PSD3: variants seen among roughly 807,000 people sequenced by gnomAD.
PSD3 encodes the protein PH and SEC7 domain-containing protein 3.
A neutral mutation model predicts 105.5 loss-of-function variants in PSD3; 49 were observed. The ratio of observed to expected loss-of-function variants is 0.46; its 90% CI spans 0.37 to 0.59. The LOEUF is 0.59. Ranked by LOEUF, PSD3 falls within the 20% of genes least tolerant of loss-of-function variation. The pLI is 0.00. For synonymous variants in PSD3, 557 were observed against 457.8 expected (o/e 1.22, Z -2.77); for missense variants, 1,561 against 1,263.8 (o/e 1.24, Z -3.57).
chr8:18,687,103 A>G (rs1377985300), intron 9 of PSD3, among the ~76,000 whole-genome samples: 1 of 152,170 alleles, frequency 6.6e-6, no homozygotes, highest in Admixed American at 6.5e-5. Context: ...GCTGTCAAAT[A>G]AAGGAACTAC....
At chr8:18,592,737 A>G (rs1235723663) in intron 12 of PSD3, among the ~76,000 whole-genome samples, 1 of 152,152 alleles carries the variant, frequency 6.6e-6, no homozygotes. Flanking sequence ...ACACAAGCAT[A>G]TTACATCCAG....
intron 1 of PSD3, among the ~76,000 whole-genome samples, chr8:19,074,611 ATTTT>A (rs1206111403): frequency 8.3e-5 from 2 of 24,216 alleles, no homozygotes; most frequent in African/African-American, 1.6e-4. Context: ...ATATATATAT[ATTTT>A]TTTTTTTTTT....
chr8:18,655,555 C>T, intron 10 of PSD3, 87 bp downstream of exon 10: 2 of 1,270,244 alleles, frequency 1.6e-6, no homozygotes, highest in Non-Finnish European at 2.3e-6. Context: ...ATATTTAATC[C>T]TTCTCTAAGA....
rs536130386 is a variant in PSD3 at position 18,895,614 on chromosome 8, AATT to A, written c.131-22884_131-22882del. Among the ~76,000 whole-genome samples, 47 of 152,264 alleles carry A rather than the reference AATT, an allele frequency of 3.1e-4. No homozygotes were observed. The East Asian group carries it at 8.5e-3, about 27-fold the overall frequency. On this transcript the variant is annotated intron_variant, in intron 2 of 15. Transcript: ENST00000327040. ...TTTCCTATAGCACTTTTCCTTTTTT[AATT>A]TCTGACAAAAGCACAAAAGAAACCT...
At chr8:18,935,874 T>C (rs1179897890) in intron 2 of PSD3, among the ~76,000 whole-genome samples, 160 bp downstream of exon 2, 1 of 152,170 alleles carries the variant, frequency 6.6e-6, no homozygotes, top group Non-Finnish European at 1.5e-5. Flanking sequence ...ACATGAAATA[T>C]TTGCGGATTC....
At chr8:18,860,457 AT>A (rs1816351786) in intron 4 of PSD3, among the ~76,000 whole-genome samples, 1 of 145,388 alleles carries the variant, frequency 6.9e-6, no homozygotes, top group Non-Finnish European at 1.5e-5. Context: ...TGTAATTTGA[AT>A]AAAAAAAAAA....
At chr8:18,982,744 T>C (rs1825304041) in intron 1 of PSD3, among the ~76,000 whole-genome samples, 2 of 152,184 alleles carry the variant, frequency 1.3e-5, no homozygotes, top group African/African-American at 4.8e-5. Flanking sequence ...GCTTCAAATA[T>C]TCAGTAAACC....
In PSD3 at chr8:18,808,965, A is replaced by C. The variant is rs1366262227; in HGVS notation, c.1635-4067T>G. The C allele has an allele frequency of 1.3e-5, 18 of 1,413,630 alleles. No individual in the cohort carries two copies. The South Asian group carries it at 1.6e-4, about 13-fold the overall frequency. The allele number at this position is 1,413,630 out of a possible 1,614,324, so 87.6% of individuals were successfully genotyped here. On this transcript the variant is annotated intron_variant, in intron 4 of 15. Transcript: ENST00000327040. ...GAGTGTTCATTGTTGCGGTTTCTGTAATGTTTCTGCAGTTCTAATAAAAAC... is the reference window on the plus strand; with the variant it reads ...GAGTGTTCATTGTTGCGGTTTCTGTCATGTTTCTGCAGTTCTAATAAAAAC...
chr8:18,851,108 T>C (rs962435215), intron 4 of PSD3, among the ~76,000 whole-genome samples: 2 of 152,164 alleles, frequency 1.3e-5, no homozygotes, highest in African/African-American at 4.8e-5. Flanking sequence ...CCACTGTCCT[T>C]TGAACATCCA....
intron 2 of PSD3, among the ~76,000 whole-genome samples, chr8:18,916,478 G>C (rs1162691252): frequency 4.6e-5 from 7 of 151,580 alleles, no homozygotes; most frequent in African/African-American, 9.7e-5. Context: ...AAATAAGTCA[G>C]GCACAGAATG....
intron 9 of PSD3, among the ~76,000 whole-genome samples, chr8:18,737,836 T>A (rs1563212011): frequency 6.6e-6 from 1 of 152,180 alleles, no homozygotes; most frequent in Non-Finnish European, 1.5e-5. Context: ...GGGGTTTACT[T>A]CTAACTTTGA....
chr8:18,894,382 A>G (rs563418010), intron 2 of PSD3, among the ~76,000 whole-genome samples: 4 of 152,296 alleles, frequency 2.6e-5, no homozygotes, highest in Admixed American at 2.6e-4. Context: ...CAATAATTCC[A>G]TAGCTCTATG....
At chr8:18,969,162 C>T (rs73204534) in intron 1 of PSD3, among the ~76,000 whole-genome samples, 30,111 of 152,104 alleles carry the variant, frequency 0.2, 3,531 homozygotes, top group Non-Finnish European at 0.27. Flanking sequence ...TTCAGAAATG[C>T]CTTCCAGAAT....
intron 9 of PSD3, among the ~76,000 whole-genome samples, chr8:18,742,704 C>T (rs546314338): frequency 6.6e-6 from 1 of 152,216 alleles, no homozygotes; most frequent in South Asian, 2.1e-4. Context: ...TTTTGGTGCC[C>T]AACTCCAGGT....
chr8:18,789,307 G>C (rs1302760330), intron 8 of PSD3, among the ~76,000 whole-genome samples: 1 of 151,976 alleles, frequency 6.6e-6, no homozygotes, highest in African/African-American at 2.4e-5. Context: ...CACTGCAACC[G>C]ACTATAAACA....
chr8:18,833,035 G>A, intron 4 of PSD3, among the ~76,000 whole-genome samples: 1 of 152,126 alleles, frequency 6.6e-6, no homozygotes, highest in East Asian at 1.9e-4. Context: ...CATGAGAGAT[G>A]ATTTTTAAAA....
chr8:18,815,484 T>G (rs987819046), intron 4 of PSD3, among the ~76,000 whole-genome samples: 1 of 152,094 alleles, frequency 6.6e-6, no homozygotes, highest in African/African-American at 2.4e-5. Context: ...AATTTTTTTG[T>G]ATTTTTAGTA....
Position 19,068,835 on chromosome 8 carries a change from T to G in PSD3, c.324+15371A>C, listed in dbSNP as rs115659941. Among the ~76,000 whole-genome samples, 264 of 152,180 alleles carry G rather than the reference T, an allele frequency of 1.7e-3. 1 individual carries two copies. The highest frequency in any genetic ancestry group is 6.1e-3 in the African/African-American group (254 of 41,520). On this transcript the variant is annotated intron_variant, in intron 1 of 1. Coordinates refer to the PSD3 transcript ENST00000521475. ...CTGCGATGTACAGGCCATCTGCAGT[T>G]GGGCTGGCTCTGACTGTGTGAAAAA...
At chr8:18,880,639 C>A (rs931825603) in intron 2 of PSD3, among the ~76,000 whole-genome samples, 2 of 152,168 alleles carry the variant, frequency 1.3e-5, no homozygotes, top group African/African-American at 4.8e-5. Context: ...GCCCCAGGCC[C>A]CTCTAGTTTC....
Sources: gnomAD v4.1 joint callset for allele counts (sites outside exome capture counted in the v4.1 genomes callset) on GRCh38, gnomAD v4.1.1 for gene constraint, MANE v1.5 for transcripts, NCBI Gene and HGNC (gene_info 2026-07-23, HGNC 2026-07-21) for gene names.